PLA2R1: variants seen among roughly 807,000 people sequenced by gnomAD.
PLA2R1 encodes secretory phospholipase A2 receptor.
A neutral mutation model predicts 195.9 loss-of-function variants in PLA2R1; 158 were observed. The observed-to-expected ratio is 0.81, with a 90% CI of 0.71 to 0.92. The LOEUF (loss-of-function observed/expected upper bound fraction) is 0.92. Ranked by LOEUF, PLA2R1 falls within the 40% of genes least tolerant of loss-of-function variation. The pLI is 0.00. For missense variants in PLA2R1, 1,626 were observed against 1,764.6 expected (o/e 0.92, Z 1.41); for synonymous variants, 586 against 598.2 (o/e 0.98, Z 0.30).
At chr2:159,986,506 G>C (rs539647600) in intron 12 of PLA2R1, among the ~76,000 whole-genome samples, 1 of 152,134 alleles carries the variant, frequency 6.6e-6, no homozygotes, top group East Asian at 1.9e-4. Context: ...TAGGTGTTTA[G>C]AGTCCTCCCC....
intron 9 of PLA2R1, among the ~76,000 whole-genome samples, chr2:160,013,864 T>G (rs1367051439): frequency 6.6e-6 from 1 of 152,042 alleles, no homozygotes; most frequent in Middle Eastern, 3.2e-3. Flanking sequence ...GCTCCACTAC[T>G]GTGCAACCTT....
At chr2:159,970,095 T>C in intron 18 of PLA2R1, 53 bp downstream of exon 18, 3 of 1,160,746 alleles carry the variant, frequency 2.6e-6, no homozygotes, top group Non-Finnish European at 3.8e-6. Flanking sequence ...CTAATCATTC[T>C]GCAAATAAAA....
At chr2:160,003,854 C>A (rs1280844763) in intron 11 of PLA2R1, among the ~76,000 whole-genome samples, 2 of 152,116 alleles carry the variant, frequency 1.3e-5, no homozygotes, top group Admixed American at 1.3e-4. Context: ...CATGGCAAAG[C>A]AAATTATGAG....
chr2:159,969,706 C>T (rs1689025088), intron 18 of PLA2R1, among the ~76,000 whole-genome samples: 1 of 152,086 alleles, frequency 6.6e-6, no homozygotes, highest in African/African-American at 2.4e-5. Flanking sequence ...CCACGCCCAG[C>T]TAATTTTTGT....
chr2:160,006,685 T>C (rs1385917431), intron 10 of PLA2R1, among the ~76,000 whole-genome samples: 1 of 152,244 alleles, frequency 6.6e-6, no homozygotes, highest in African/African-American at 2.4e-5. Context: ...ACATACAAAG[T>C]TAGAAGAAGC....
chr2:159,993,522 C>T (rs1254260541), intron 11 of PLA2R1, among the ~76,000 whole-genome samples: 1 of 150,488 alleles, frequency 6.6e-6, no homozygotes, highest in African/African-American at 2.4e-5. Context: ...AATAACAAAC[C>T]ACAAACGACG....
At chr2:160,005,868 A>T (rs2105397875) in intron 10 of PLA2R1, 47 bp from the exon 11 acceptor site, 1 of 1,341,626 alleles carries the variant, frequency 7.5e-7, no homozygotes, top group Non-Finnish European at 1.1e-6. Context: ...TCTGGGCAAT[A>T]AAAAAATGTC....
intron 11 of PLA2R1, among the ~76,000 whole-genome samples, chr2:159,991,639 G>A (rs923827586): frequency 8.5e-6 from 1 of 117,548 alleles, no homozygotes; most frequent in African/African-American, 3.4e-5. Context: ...ACAGTCCCCA[G>A]AGTGTGATGT....
Position 159,949,733 on chromosome 2 carries a change from A to G in PLA2R1, c.3584T>C (p.Phe1195Ser). ...GGACTCCTCATCTTTCCAAAAAGTG[A>G]AAGAAGATTTGGTGCCATCAGACCA... ...FDWSDGTKSS[F>S]TFWKDEESSL... Residue 1195 changes from phenylalanine to serine, a missense_variant, in exon 25 of 30, where the codon TTC becomes TCC. Physicochemically the swap from Phe to Ser is radical, Grantham distance 155. Transcript: ENST00000283243. 1 of 1,613,976 alleles carries G rather than the reference A, an allele frequency of 6.2e-7. No individual in the cohort carries two copies. Among genetic ancestry groups the G allele is most frequent in the Non-Finnish European group, 8.5e-7 (1 of 1,179,864 alleles).
At chr2:160,029,463 G>T (rs1693725438) in intron 4 of PLA2R1, among the ~76,000 whole-genome samples, 1 of 152,134 alleles carries the variant, frequency 6.6e-6, no homozygotes, top group Non-Finnish European at 1.5e-5. Flanking sequence ...TCCCTAGCAG[G>T]TTGGGACCTA....
downstream of PLA2R1, among the ~76,000 whole-genome samples, chr2:159,929,208 C>T (rs570294553): frequency 6.6e-6 from 1 of 152,216 alleles, no homozygotes; most frequent in Admixed American, 6.5e-5. Context: ...CAGCAGAGTA[C>T]ACAGACAACC....
At chr2:159,998,592 G>C (rs192534922) in intron 11 of PLA2R1, among the ~76,000 whole-genome samples, 1 of 152,216 alleles carries the variant, frequency 6.6e-6, no homozygotes, top group African/African-American at 2.4e-5. Flanking sequence ...TATACCTAGA[G>C]AAGAAGTGAA....
rs961311477 is a variant in PLA2R1, at chr2:159,941,108, T to C, written c.*670A>G. On this transcript the variant is annotated 3_prime_UTR_variant, in exon 30 of 30. Coordinates refer to ENST00000283243, the MANE Select transcript of PLA2R1 (RefSeq NM_007366.5). ...CACATTTTAACTATATGGTTGTTTA[T>C]AAAAGTGTGCTGCTAATGAAGGTCT... 6.6e-6 allele frequency: 1 copy of C among 152,190 alleles called. No homozygotes were observed. 9.4% of individuals were successfully genotyped at this position (152,190 alleles called of 1,614,324 possible).
rs144138773 is a variant in PLA2R1, at chr2:160,035,342, C to T, written c.668-2210G>A. Among the ~76,000 whole-genome samples the T allele has an allele frequency of 2.8e-3, 421 of 152,266 alleles. 5 individuals carry two copies. The highest frequency in any genetic ancestry group is 0.015 in the East Asian group (78 of 5,182). Reference sequence around the variant, plus strand: ...TGCTGCTCTCTAAGGACTGCTTTGGCAGAAGAGTCTCTTTGCCCTTTCACT... The same window carrying T: ...TGCTGCTCTCTAAGGACTGCTTTGGTAGAAGAGTCTCTTTGCCCTTTCACT... On this transcript the variant is annotated intron_variant, in intron 3 of 29. Coordinates refer to ENST00000283243, the MANE Select transcript of PLA2R1 (RefSeq NM_007366.5).
At chr2:160,016,480 T>A (rs34555459) in intron 9 of PLA2R1, 134 bp downstream of exon 9, 7 of 297,646 alleles carry the variant, frequency 2.4e-5, no homozygotes, top group Admixed American at 1.4e-4. Context: ...AAGGGGGGGG[T>A]GCGAGGAGAG....
At chr2:159,953,642 A>G (rs1024892218) in intron 23 of PLA2R1, among the ~76,000 whole-genome samples, 28 of 152,218 alleles carry the variant, frequency 1.8e-4, no homozygotes, top group Admixed American at 1.8e-3. Flanking sequence ...TGTGGTAGGC[A>G]CTCCGGTGCC....
intron 11 of PLA2R1, among the ~76,000 whole-genome samples, chr2:159,990,542 T>A (rs577214102): frequency 1.3e-5 from 2 of 152,318 alleles, no homozygotes; most frequent in African/African-American, 4.8e-5. Context: ...CTGCTTATTT[T>A]CTGGTTCCCT....
At chr2:159,929,319 C>T (rs1686540397), downstream of PLA2R1, among the ~76,000 whole-genome samples, 1 of 151,858 alleles carries the variant, frequency 6.6e-6, no homozygotes, top group Admixed American at 6.6e-5. Flanking sequence ...AAAAACAATC[C>T]CACCAAAAAG....
intron 1 of PLA2R1, among the ~76,000 whole-genome samples, chr2:160,045,615 ACT>A (rs1336491957): frequency 2.0e-5 from 3 of 152,060 alleles, no homozygotes; most frequent in Non-Finnish European, 4.4e-5. Flanking sequence ...ACTGAATGAA[ACT>A]CTCTACCATC....
Sources: gnomAD v4.1 joint callset for allele counts (sites outside exome capture counted in the v4.1 genomes callset) on GRCh38, gnomAD v4.1.1 for gene constraint, MANE v1.5 for transcripts, NCBI Gene and HGNC (gene_info 2026-07-23, HGNC 2026-07-21) for gene names.